Variants in ADAMTSL1 observed in about 807,000 individuals in gnomAD.
The protein encoded by ADAMTSL1 is ADAMTS-like protein 1.
Under a neutral mutation model 201.8 loss-of-function variants are expected in ADAMTSL1, and 126 were observed. That is an observed-to-expected ratio of 0.62 (90% confidence interval 0.54 to 0.72). The LOEUF is 0.72. Among genes scored for constraint, ADAMTSL1 ranks in the 30% least tolerant of loss-of-function variants. The pLI is 0.00. For synonymous variants in ADAMTSL1, 1,121 were observed against 903.4 expected, an observed-to-expected ratio of 1.24 and a Z score of -4.32; for missense variants, 2,679 against 2,277.8, an observed-to-expected ratio of 1.18 and a Z score of -3.59.
chr9:17,963,741 C>G (rs1007196382), intron 1 of ADAMTSL1, among the ~76,000 whole-genome samples: 1 of 152,102 alleles, frequency 6.6e-6, no homozygotes, highest in South Asian at 2.1e-4. Context: ...GCCTTTGTCC[C>G]TCTAGCCTAA....
Position 18,521,127 on chromosome 9 carries a change from A to G in ADAMTSL1, c.192-12120A>G, listed in dbSNP as rs181331985. Reference sequence around the variant, plus strand: ...ATGTGAATGTTAGCCTCAAAAAAGGACAAAGACACATTTTAATGTTTAAGG... The same window carrying G: ...ATGTGAATGTTAGCCTCAAAAAAGGGCAAAGACACATTTTAATGTTTAAGG... On this transcript the variant is annotated intron_variant, in intron 2 of 28. Coordinates refer to ENST00000380548, the MANE Select transcript of ADAMTSL1 (RefSeq NM_001040272.6). 2.5e-3 allele frequency among the ~76,000 whole-genome samples: 380 copies of G among 152,330 alleles called. 3 individuals are homozygous for G. The highest frequency in any genetic ancestry group is 0.017 in the Admixed American group (260 of 15,296).
chr9:18,388,451 T>C (rs996175052), intron 2 of ADAMTSL1, among the ~76,000 whole-genome samples: 3 of 152,184 alleles, frequency 2.0e-5, no homozygotes, highest in African/African-American at 7.2e-5. Context: ...TTTTTGCATT[T>C]TCTGTAGAGA....
intron 3 of ADAMTSL1, among the ~76,000 whole-genome samples, chr9:18,542,384 T>A (rs575173770): frequency 6.6e-6 from 1 of 152,240 alleles, no homozygotes; most frequent in Non-Finnish European, 1.5e-5. Context: ...ACCTGTTATG[T>A]TTTGAATTAT....
intron 18 of ADAMTSL1, 62 bp from the exon 19 acceptor site, chr9:18,776,719 C>A: frequency 6.8e-7 from 1 of 1,470,156 alleles, no homozygotes. Context: ...GGCTGCATCT[C>A]ACTCTGGGTT....
chr9:18,148,226 G>T (rs1308972759), intron 1 of ADAMTSL1, among the ~76,000 whole-genome samples: 1 of 151,686 alleles, frequency 6.6e-6, no homozygotes. Context: ...AGGGAAAAAA[G>T]CTCACATTTT....
Position 18,791,342 on chromosome 9 carries a change from A to G in ADAMTSL1, c.3678-4055A>G, listed in dbSNP as rs75261045. Reference sequence around the variant, plus strand: ...GGCATATTGTATGTATAATAACAGGAGTCAAATCCTCCCCCATCCCTGAAA... The same window carrying G: ...GGCATATTGTATGTATAATAACAGGGGTCAAATCCTCCCCCATCCCTGAAA... On this transcript the variant is annotated intron_variant, in intron 19 of 28. Transcript: ENST00000380548. Among the ~76,000 whole-genome samples the G allele has an allele frequency of 2.1e-3, 322 of 152,268 alleles. 2 individuals carry two copies. Among genetic ancestry groups the G allele is most frequent in the African/African-American group, 7.5e-3 (310 of 41,548 alleles).
At chr9:18,891,728 G>A (rs1829287158) in intron 25 of ADAMTSL1, among the ~76,000 whole-genome samples, 2 of 152,178 alleles carry the variant, frequency 1.3e-5, no homozygotes, top group Admixed American at 6.5e-5. Context: ...GAAGTATACC[G>A]AGCACTACCA....
chr9:18,645,229 G>C (rs146686819), intron 7 of ADAMTSL1, among the ~76,000 whole-genome samples: 6,717 of 152,204 alleles, frequency 0.044, 198 homozygotes, highest in Middle Eastern at 0.12. Context: ...ACTTTTTGAT[G>C]GGGTTGTTTG....
chr9:18,830,490 C>T (rs1824905808), intron 23 of ADAMTSL1, among the ~76,000 whole-genome samples: 2 of 152,214 alleles, frequency 1.3e-5, no homozygotes, highest in African/African-American at 2.4e-5. Context: ...ATAGACTCCT[C>T]AAGGCAAGTG....
At chr9:18,629,581 G>A (rs934726669) in intron 5 of ADAMTSL1, among the ~76,000 whole-genome samples, 1 of 152,072 alleles carries the variant, frequency 6.6e-6, no homozygotes, top group Non-Finnish European at 1.5e-5. Flanking sequence ...TGCATTTCTG[G>A]GATAAAGTGT....
chr9:18,238,039 C>T (rs59654464), intron 2 of ADAMTSL1, among the ~76,000 whole-genome samples: 3,366 of 152,314 alleles, frequency 0.022, 121 homozygotes, highest in African/African-American at 0.076. Flanking sequence ...CCTGAAGAAC[C>T]ACTTTTTACC....
intron 7 of ADAMTSL1, among the ~76,000 whole-genome samples, chr9:18,647,234 TC>T (rs1827875863): frequency 1.3e-5 from 2 of 152,180 alleles, no homozygotes; most frequent in Admixed American, 1.3e-4. Context: ...GGTGGTGATA[TC>T]CCCTTTATCA....
At chr9:18,697,099 G>A (rs1831606174) in intron 13 of ADAMTSL1, among the ~76,000 whole-genome samples, 1 of 151,566 alleles carries the variant, frequency 6.6e-6, no homozygotes, top group Non-Finnish European at 1.5e-5. Context: ...GGCCAGGATG[G>A]TCTTCATCTC....
At chr9:18,888,447 G>A (rs1297546256) in intron 24 of ADAMTSL1, among the ~76,000 whole-genome samples, 1 of 152,246 alleles carries the variant, frequency 6.6e-6, no homozygotes. Flanking sequence ...CCTGATGCCA[G>A]TGCCTGCTGA....
intron 2 of ADAMTSL1, among the ~76,000 whole-genome samples, chr9:18,318,699 AGAGGC>A (rs1163757108): frequency 6.6e-6 from 1 of 151,916 alleles, no homozygotes; most frequent in East Asian, 1.9e-4. Flanking sequence ...TGTCTCCTCT[AGAGGC>A]CATGTTTCTC....
Position 18,622,358 on chromosome 9 carries a change from C to T in ADAMTSL1, c.590C>T (p.Ser197Phe). 1.2e-6 allele frequency: 2 copies of T among 1,614,040 alleles called. No individual in the cohort carries two copies. The highest frequency in any genetic ancestry group is 1.1e-5 in the South Asian group (1 of 91,086). The change falls in exon 5 of 29, where the codon TCC becomes TTC. Residue 197 changes from serine (S) to phenylalanine (F), a missense_variant. Transcript: ENST00000380548. ...LVRGQYKSQL[S>F]ATKSDDTVVA... is the part of the protein sequence containing the mutation. ...CGAGGGCAGTATAAATCCCAGCTCTCCGCAACCAAATGTAAGACACACAGA... is the reference window on the plus strand; with the variant it reads ...CGAGGGCAGTATAAATCCCAGCTCTTCGCAACCAAATGTAAGACACACAGA...
chr9:18,219,979 T>G (rs1037133843), intron 2 of ADAMTSL1, among the ~76,000 whole-genome samples: 2 of 152,150 alleles, frequency 1.3e-5, no homozygotes, highest in Admixed American at 6.5e-5. Flanking sequence ...CTTTTTCAAT[T>G]TTTTATTTTA....
At chr9:18,463,249 T>G (rs946033657) in intron 2 of ADAMTSL1, among the ~76,000 whole-genome samples, 27 of 152,206 alleles carry the variant, frequency 1.8e-4, no homozygotes, top group Middle Eastern at 6.8e-3. Flanking sequence ...TCACATTGAG[T>G]TTCTGCAGTT....
intron 16 of ADAMTSL1, among the ~76,000 whole-genome samples, chr9:18,769,842 G>A (rs1820586676): frequency 6.6e-6 from 1 of 152,140 alleles, no homozygotes; most frequent in Non-Finnish European, 1.5e-5. Context: ...TGAAAAGCTG[G>A]GGACTCCTTT....
Sources: gnomAD v4.1 joint callset for allele counts (sites outside exome capture counted in the v4.1 genomes callset) on GRCh38, gnomAD v4.1.1 for gene constraint, MANE v1.5 for transcripts, NCBI Gene and HGNC (gene_info 2026-07-23, HGNC 2026-07-21) for gene names.